Variants in NHSL1 observed in about 807,000 individuals in gnomAD.
NHSL1 encodes the protein NHS like 1.
NHSL1 carries 48 observed loss-of-function variants against 95.0 expected under a neutral mutation model. That is an observed-to-expected ratio of 0.51 (90% CI 0.40 to 0.64). NHSL1 has a LOEUF of 0.64. Among genes scored for constraint, NHSL1 ranks in the 30% least tolerant of loss-of-function variants. The pLI is 0.00. For synonymous variants in NHSL1, 783 were observed against 833.9 expected (o/e 0.94, Z 1.05); for missense variants, 1,971 against 2,077.7 (o/e 0.95, Z 1.00).
chr6:138,480,580 A>G (rs1424824432), intron 2 of NHSL1, among the ~76,000 whole-genome samples: 1 of 152,216 alleles, frequency 6.6e-6, no homozygotes, highest in African/African-American at 2.4e-5. Flanking sequence ...TTCAGGTCAA[A>G]GCATAATTTG....
intron 4 of NHSL1, among the ~76,000 whole-genome samples, 200 bp from the exon 5 acceptor site, chr6:138,442,314 C>A (rs1776581834): frequency 6.6e-6 from 1 of 152,114 alleles, no homozygotes; most frequent in African/African-American, 2.4e-5. Context: ...TTCCACCTTC[C>A]AAAGGAAGCA....
intron 1 of NHSL1, among the ~76,000 whole-genome samples, chr6:138,664,456 C>T (rs1383949119): frequency 6.6e-6 from 1 of 152,132 alleles, no homozygotes; most frequent in Non-Finnish European, 1.5e-5. Context: ...GAGGTACACA[C>T]AGAGCACTAC....
At chr6:138,649,132 G>A (rs1785056030) in intron 1 of NHSL1, among the ~76,000 whole-genome samples, 1 of 152,140 alleles carries the variant, frequency 6.6e-6, no homozygotes, top group Non-Finnish European at 1.5e-5. Flanking sequence ...TAGGGTGAGT[G>A]TCAGGCTAAC....
intron 2 of NHSL1, among the ~76,000 whole-genome samples, chr6:138,474,287 G>A (rs1253348977): frequency 2.6e-5 from 4 of 152,182 alleles, no homozygotes; most frequent in East Asian, 1.9e-4. Context: ...AGCACAAAAC[G>A]TGTGTGGTTT....
rs911074778 is a variant in NHSL1, at chr6:138,526,926, C to T, written c.16+18697G>A. Among the ~76,000 whole-genome samples the T allele has an allele frequency of 5.3e-5, 8 of 152,206 alleles. No individual in the cohort carries two copies. In the South Asian group the frequency reaches 6.2e-4, roughly 12 times the overall value. On this transcript the variant is annotated intron_variant, in intron 1 of 4. Transcript: ENST00000342260. ...TGAACAGAATCCATCTTGATAGTAT[C>T]GATAAAGTTTGTCATTCGTGGTAGT...
At chr6:138,468,577 TC>T (rs1459113935) in intron 3 of NHSL1, among the ~76,000 whole-genome samples, 1 of 152,164 alleles carries the variant, frequency 6.6e-6, no homozygotes, top group African/African-American at 2.4e-5. Flanking sequence ...CTTATGAGAC[TC>T]TAACTAATGT....
chr6:138,685,536 G>A (rs1031439272), intron 1 of NHSL1, among the ~76,000 whole-genome samples: 4 of 151,938 alleles, frequency 2.6e-5, no homozygotes, highest in Admixed American at 2.6e-4. Context: ...CGCACTCTAT[G>A]TGAATAAAAT....
intron 1 of NHSL1, among the ~76,000 whole-genome samples, chr6:138,649,695 A>G (rs74706276): frequency 9.7e-4 from 148 of 152,324 alleles, no homozygotes; most frequent in Non-Finnish European, 1.9e-3. Context: ...TCATATAAAA[A>G]GAGTAGTGTT....
At chr6:138,591,812 G>A (rs923835489) in intron 1 of NHSL1, among the ~76,000 whole-genome samples, 5 of 152,262 alleles carry the variant, frequency 3.3e-5, no homozygotes, top group Middle Eastern at 3.4e-3. Context: ...AGCCCTGCAC[G>A]TGCACGTGGA....
intron 1 of NHSL1, among the ~76,000 whole-genome samples, chr6:138,659,509 C>T (rs570667386): frequency 1.9e-4 from 29 of 152,250 alleles, no homozygotes; most frequent in South Asian, 2.1e-4. Context: ...TGGGCACCTC[C>T]TGCCAAGTTA....
chr6:138,424,001 G>A lies in NHSL1; in HGVS notation c.*80C>T, dbSNP rs1420773926. On this transcript the variant is annotated 3_prime_UTR_variant, in exon 8 of 8. Coordinates refer to ENST00000343505, the MANE Select transcript of NHSL1 (RefSeq NM_001144060.2). The surrounding 1 kb of genome is among the most constrained non-coding windows in gnomAD (Gnocchi z 5.9). ...GAGTGGGCTCCCCGGGTGAGCCAGG[G>A]AAGGGCGCCTAGCAGGCTTCCTAGA... 2 of 1,271,240 alleles carry A rather than the reference G, an allele frequency of 1.6e-6. No homozygotes were observed. The highest frequency in any genetic ancestry group is 3.2e-5 in the South Asian group (1 of 30,866). The allele number at this position is 1,271,240 out of a possible 1,614,324, so 78.7% of individuals were successfully genotyped here.
At chr6:138,645,034 T>C (rs1360293174) in intron 1 of NHSL1, among the ~76,000 whole-genome samples, 1 of 152,210 alleles carries the variant, frequency 6.6e-6, no homozygotes, top group Admixed American at 6.6e-5. Context: ...CATCTGTCAC[T>C]GAGGCACAGC....
At chr6:138,436,181 T>C (rs977431142) in intron 5 of NHSL1, among the ~76,000 whole-genome samples, 5 of 152,192 alleles carry the variant, frequency 3.3e-5, no homozygotes, top group African/African-American at 1.2e-4. Context: ...TAGAAATGAT[T>C]AAGCTTAGTG....
intron 1 of NHSL1, among the ~76,000 whole-genome samples, chr6:138,538,002 C>T (rs1424997803): frequency 2.0e-5 from 3 of 152,136 alleles, no homozygotes; most frequent in Non-Finnish European, 4.4e-5. Context: ...ATAACACACC[C>T]CAAATTCTAT....
rs71009589 is a variant in NHSL1, at chr6:138,478,012, C to CTTTTTTTTTTT, written c.212-4590_212-4580dup. 1.8e-3 allele frequency among the ~76,000 whole-genome samples: 53 copies of CTTTTTTTTTTT among 30,018 alleles called. 6 individuals are homozygous for CTTTTTTTTTTT. The highest frequency in any genetic ancestry group is 3.9e-3 in the Admixed American group (7 of 1,796). The allele number at this position is 30,018 out of a possible 152,430, so 19.7% of individuals were successfully genotyped here. On this transcript the variant is annotated intron_variant, in intron 2 of 7. Transcript: ENST00000343505. Reference sequence around the variant, plus strand: ...TTTTTTCACCATGAAATTTATGTCACTTTTTTTTTTTTTTTTTTTTTTTTT... The same window carrying CTTTTTTTTTTT: ...TTTTTTCACCATGAAATTTATGTCACTTTTTTTTTTTTTTTTTTTTTTTTTTTTTTTTTTTT...
upstream of NHSL1, among the ~76,000 whole-genome samples, chr6:138,693,132 A>G (rs1200627652): frequency 6.6e-6 from 1 of 151,376 alleles, no homozygotes; most frequent in Non-Finnish European, 1.5e-5. The surrounding 1 kb of genome is among the most constrained non-coding windows in gnomAD (Gnocchi z 4.3). Flanking sequence ...TGAAGTTTGC[A>G]GGCGGGCAGG....
chr6:138,684,806 G>A (rs1785563600), intron 1 of NHSL1, among the ~76,000 whole-genome samples: 1 of 152,200 alleles, frequency 6.6e-6, no homozygotes, highest in Non-Finnish European at 1.5e-5. Context: ...AAACCGGCAT[G>A]TGGAACAAGA....
At chr6:138,447,311 T>C in intron 3 of NHSL1, 118 bp from the exon 4 acceptor site, 1 of 796,470 alleles carries the variant, frequency 1.3e-6, no homozygotes, top group Non-Finnish European at 1.9e-6. Flanking sequence ...AAATAATTGA[T>C]CGCTTTTAGG....
At chr6:138,605,284 G>A (rs1485571142) in intron 1 of NHSL1, among the ~76,000 whole-genome samples, 1 of 152,130 alleles carries the variant, frequency 6.6e-6, no homozygotes, top group East Asian at 1.9e-4. Flanking sequence ...GGAGTGCAGT[G>A]GTATTATCAC....
Sources: gnomAD v4.1 joint callset for allele counts (sites outside exome capture counted in the v4.1 genomes callset) on GRCh38, gnomAD v4.1.1 for gene constraint, Gnocchi (gnomAD v3.1) non-coding constraint, MANE v1.5 for transcripts, NCBI Gene and HGNC (gene_info 2026-07-23, HGNC 2026-07-21) for gene names.